The following MON2 variants were observed in gnomAD, a reference collection of about 807,000 sequenced individuals.
MON2 encodes protein MON2 homolog.
Under a neutral mutation model 208.6 loss-of-function variants are expected in MON2, and 84 were observed. That is an observed-to-expected ratio of 0.40 (90% CI 0.34 to 0.48). The LOEUF (loss-of-function observed/expected upper bound fraction) is 0.48, where lower values mean the gene tolerates loss of function less well. MON2 is among the 20% of genes least tolerant of loss of function. The pLI is 0.59. For synonymous variants in MON2, 660 were observed against 694.0 expected (o/e 0.95, Z 0.77); for missense variants, 1,611 against 2,015.4 (o/e 0.80, Z 3.84).
chr12:62,495,258 C>G, intron 4 of MON2, 111 bp downstream of exon 4: 1 of 887,978 alleles, frequency 1.1e-6, no homozygotes, highest in Non-Finnish European at 1.7e-6. Context: ...TTCCCTACAG[C>G]TATGGTGATG....
At chr12:62,533,153 C>T (rs2072739788) in intron 12 of MON2, among the ~76,000 whole-genome samples, 1 of 152,150 alleles carries the variant, frequency 6.6e-6, no homozygotes, top group Admixed American at 6.5e-5. Context: ...TGTGTTCCTT[C>T]ATAATTACAT....
rs2136138486 is a variant in MON2, at chr12:62,514,533, T to C, written c.984+6053T>C. Among the ~76,000 whole-genome samples, 3 of 152,304 alleles carry C rather than the reference T, an allele frequency of 2.0e-5. No homozygotes were observed. The Middle Eastern group carries it at 0.01, about 518-fold the overall frequency. ...AGAGCTTTTGCAGAGAAACTCCCTT[T>C]TTAAAACCATCAGATCTCATGAGAT... On this transcript the variant is annotated intron_variant, in intron 8 of 34. Transcript: ENST00000393630.
Position 62,475,542 on chromosome 12 carries a change from A to G in MON2, c.111+8224A>G, listed in dbSNP as rs377693701. Among the ~76,000 whole-genome samples, 4 of 151,800 alleles carry G rather than the reference A, an allele frequency of 2.6e-5. No homozygotes were observed. The East Asian group carries it at 7.8e-4, about 30-fold the overall frequency. ...CCTCCTAGGTATACAAATGCTTTGC[A>G]CTATAGTGAATTTAGCATTTAGTAA... is the stretch of plus-strand genomic sequence containing the variant. On this transcript the variant is annotated intron_variant, in intron 1 of 34. Transcript: ENST00000393630.
intron 8 of MON2, among the ~76,000 whole-genome samples, chr12:62,511,408 GAC>G (rs1041133391): frequency 6.6e-6 from 1 of 152,072 alleles, no homozygotes; most frequent in African/African-American, 2.4e-5. Flanking sequence ...CTGGCATAAA[GAC>G]ACACACAAAA....
At chr12:62,475,826 G>A (rs2069045421) in intron 1 of MON2, among the ~76,000 whole-genome samples, 1 of 151,290 alleles carries the variant, frequency 6.6e-6, no homozygotes, top group Admixed American at 6.6e-5. Flanking sequence ...CCTGGCCAAT[G>A]TGGTGAAACC....
chr12:62,515,578 G>C (rs1479155131), intron 8 of MON2, among the ~76,000 whole-genome samples: 1 of 152,124 alleles, frequency 6.6e-6, no homozygotes, highest in Non-Finnish European at 1.5e-5. Context: ...CACTTTGTAA[G>C]GCCAAGGTGG....
intron 32 of MON2, among the ~76,000 whole-genome samples, chr12:62,584,295 A>G (rs1468213997): frequency 6.6e-6 from 1 of 152,174 alleles, no homozygotes; most frequent in Non-Finnish European, 1.5e-5. Flanking sequence ...TGAGTACCAT[A>G]ATATATGACA....
At chr12:62,506,540 A>G (rs1218790554) in intron 7 of MON2, among the ~76,000 whole-genome samples, 1 of 152,100 alleles carries the variant, frequency 6.6e-6, no homozygotes, top group Non-Finnish European at 1.5e-5. Context: ...AGCCTGCCCA[A>G]CATGGTGAAA....
chr12:62,559,740 T>A (rs1347117775), intron 25 of MON2, among the ~76,000 whole-genome samples: 1 of 151,080 alleles, frequency 6.6e-6, no homozygotes, highest in African/African-American at 2.4e-5. Context: ...CACATGACAC[T>A]CTAGCCTGGG....
chr12:62,573,442 C>T (rs1592437337), intron 30 of MON2, among the ~76,000 whole-genome samples: 2 of 138,934 alleles, frequency 1.4e-5, no homozygotes, highest in South Asian at 2.3e-4. Flanking sequence ...GTATTGCTTT[C>T]CCTAGCAAGG....
At chr12:62,543,805 A>C (rs1311235568) in intron 20 of MON2, among the ~76,000 whole-genome samples, 1 of 152,082 alleles carries the variant, frequency 6.6e-6, no homozygotes, top group Non-Finnish European at 1.5e-5. Flanking sequence ...ACGGGGTTTA[A>C]CCATATTAGC....
intron 20 of MON2, among the ~76,000 whole-genome samples, chr12:62,543,666 G>C (rs2136269035): frequency 6.6e-6 from 1 of 151,984 alleles, no homozygotes; most frequent in Non-Finnish European, 1.5e-5. Context: ...GGAGTGCAGT[G>C]GTGAGGTCTC....
intron 31 of MON2, among the ~76,000 whole-genome samples, chr12:62,579,499 A>C (rs1355312335): frequency 6.6e-6 from 1 of 151,668 alleles, no homozygotes; most frequent in Non-Finnish European, 1.5e-5. Flanking sequence ...GGAGGCAGGC[A>C]GACCATGAGG....
At chr12:62,500,749 T>C (rs372969306) in intron 5 of MON2, 34 bp from the exon 6 acceptor site, 2 of 1,007,442 alleles carry the variant, frequency 2.0e-6, no homozygotes, top group Non-Finnish European at 3.0e-6. Context: ...AAGGCTATTA[T>C]GAACTCCTAA....
At chr12:62,565,451 A>G (rs1565692328) in intron 27 of MON2, 71 bp downstream of exon 27, 1 of 1,291,346 alleles carries the variant, frequency 7.7e-7, no homozygotes, top group Non-Finnish European at 1.1e-6. Flanking sequence ...TCCACTTAAG[A>G]TGGACTTTGA....
chr12:62,564,682 A>G (rs2074314668), intron 26 of MON2, among the ~76,000 whole-genome samples: 1 of 152,150 alleles, frequency 6.6e-6, no homozygotes, highest in Non-Finnish European at 1.5e-5. Context: ...AAATCGATAT[A>G]TTTAGATACA....
chr12:62,519,015 A>G (rs2071855931), intron 8 of MON2, among the ~76,000 whole-genome samples: 1 of 152,204 alleles, frequency 6.6e-6, no homozygotes, highest in Non-Finnish European at 1.5e-5. Context: ...AAACCTGGAA[A>G]TGGTACATCT....
intron 24 of MON2, chr12:62,553,428 G>A: frequency 3.1e-6 from 1 of 327,062 alleles, no homozygotes. Flanking sequence ...TTGCCTTTCT[G>A]TCTCCTTTTT....
intron 2 of MON2, among the ~76,000 whole-genome samples, chr12:62,487,505 A>G (rs751834188): frequency 6.6e-6 from 1 of 151,996 alleles, no homozygotes; most frequent in Non-Finnish European, 1.5e-5. Flanking sequence ...ATTTTTACAT[A>G]AATAATCAGT....
Sources: allele counts gnomAD v4.1 joint callset (sites outside exome capture counted in the v4.1 genomes callset), GRCh38; gene constraint gnomAD v4.1.1; transcripts MANE v1.5; gene names NCBI Gene and HGNC (gene_info 2026-07-23, HGNC 2026-07-21).